Variants in CDHR3 observed in about 807,000 individuals in gnomAD.
CDHR3 encodes the protein cadherin-related family member 3.
In CDHR3, 79 loss-of-function variants were observed where a neutral mutation model predicts 86.6. The ratio of observed to expected loss-of-function variants is 0.91; its 90% CI spans 0.76 to 1.10. The LOEUF (loss-of-function observed/expected upper bound fraction) is 1.10, where lower values mean the gene tolerates loss of function less well. CDHR3 is among the 50% of genes least tolerant of loss of function. The pLI, the probability that CDHR3 is intolerant of heterozygous loss-of-function variation, is 0.00. For missense variants in CDHR3, 1,081 were observed against 1,077.6 expected, an observed-to-expected ratio of 1.00 and a Z score of -0.04; for synonymous variants, 421 against 402.4, an observed-to-expected ratio of 1.05 and a Z score of -0.55.
intron 1 of CDHR3, among the ~76,000 whole-genome samples, chr7:105,969,307 G>A (rs1563223878): frequency 1.4e-5 from 2 of 146,828 alleles, no homozygotes; most frequent in Non-Finnish European, 3.0e-5. Flanking sequence ...GCTGAGGCAG[G>A]AGAATGGCGT....
intron 1 of CDHR3, among the ~76,000 whole-genome samples, chr7:105,969,595 G>GA (rs920976923): frequency 2.0e-5 from 3 of 152,074 alleles, no homozygotes. Context: ...CAGCAAAATA[G>GA]AAAAAAATCC....
At chr7:105,975,911 CATT>C (rs1373702318) in intron 2 of CDHR3, among the ~76,000 whole-genome samples, 2 of 152,166 alleles carry the variant, frequency 1.3e-5, no homozygotes, top group Non-Finnish European at 2.9e-5. Context: ...CTCAGCTTAT[CATT>C]AGTCACTAGG....
intron 1 of CDHR3, among the ~76,000 whole-genome samples, chr7:105,972,604 C>G (rs1828156101): frequency 6.6e-6 from 1 of 152,102 alleles, no homozygotes; most frequent in East Asian, 1.9e-4. Flanking sequence ...AATACCCAAC[C>G]CATCAAAGCA....
chr7:106,002,503 C>T (rs1345164404), intron 7 of CDHR3, among the ~76,000 whole-genome samples: 1 of 152,094 alleles, frequency 6.6e-6, no homozygotes. Flanking sequence ...GGTAGGTTAC[C>T]TCTGGAATGA....
At chr7:105,976,294 A>T (rs1022850208) in intron 2 of CDHR3, among the ~76,000 whole-genome samples, 1 of 152,110 alleles carries the variant, frequency 6.6e-6, no homozygotes, top group African/African-American at 2.4e-5. Context: ...AAACATAAGG[A>T]TTGTATCCAT....
At chr7:106,012,819 C>A in intron 8 of CDHR3, 41 bp from the exon 9 acceptor site, 1 of 1,553,442 alleles carries the variant, frequency 6.4e-7, no homozygotes. Flanking sequence ...CAGTCGATTA[C>A]CATTTATTGG....
chr7:105,978,054 C>G (rs1392958741), intron 2 of CDHR3, among the ~76,000 whole-genome samples: 1 of 152,130 alleles, frequency 6.6e-6, no homozygotes, highest in Admixed American at 6.5e-5. Context: ...GGTGGGAAAA[C>G]TGAGGCATAG....
chr7:106,002,619 G>A (rs900858093), intron 7 of CDHR3, among the ~76,000 whole-genome samples: 1 of 152,142 alleles, frequency 6.6e-6, no homozygotes. Flanking sequence ...AGGCAGGTGT[G>A]TAAGGATGGA....
chr7:106,012,007 G>A (rs1313448880), intron 8 of CDHR3, among the ~76,000 whole-genome samples: 2 of 152,214 alleles, frequency 1.3e-5, no homozygotes, highest in Admixed American at 6.5e-5. Flanking sequence ...GAAATGAGGG[G>A]TACAGGGATT....
chr7:106,016,617 A>G (rs1307855640), intron 11 of CDHR3, among the ~76,000 whole-genome samples: 1 of 152,154 alleles, frequency 6.6e-6, no homozygotes, highest in Non-Finnish European at 1.5e-5. Context: ...GCTCTAGTGT[A>G]ATAGACTCCC....
Position 106,033,000 on chromosome 7 carries a change from C to T in CDHR3, c.*303C>T. On this transcript the variant is annotated 3_prime_UTR_variant, in exon 19 of 19. Coordinates refer to ENST00000317716, the MANE Select transcript of CDHR3 (RefSeq NM_152750.5). ...TTGTGTTTCTTCTTTGCATTGACTG[C>T]TAGGAAGCTCTATTCTGTTCACCAT... is the stretch of plus-strand genomic sequence containing the variant. The T allele has an allele frequency of 2.8e-6, 1 of 355,016 alleles. No individual in the cohort carries two copies. The highest frequency in any genetic ancestry group is 5.2e-6 in the Non-Finnish European group (1 of 193,934). The allele number at this position is 355,016 out of a possible 1,614,324, so 22.0% of individuals were successfully genotyped here. A position where few individuals can be genotyped will look rare whatever the true frequency, so the allele number is the denominator to read the frequency against.
At chr7:106,023,347 T>C (rs889979611) in intron 14 of CDHR3, among the ~76,000 whole-genome samples, 1 of 152,230 alleles carries the variant, frequency 6.6e-6, no homozygotes, top group African/African-American at 2.4e-5. Flanking sequence ...GGAGATAGAT[T>C]ACAAACAAGT....
intron 18 of CDHR3, among the ~76,000 whole-genome samples, chr7:106,032,036 T>C (rs1463934547): frequency 6.6e-6 from 1 of 152,234 alleles, no homozygotes; most frequent in Admixed American, 6.5e-5. Context: ...AATCAGAAAG[T>C]AACGGGTAAT....
intron 6 of CDHR3, among the ~76,000 whole-genome samples, chr7:105,998,601 G>A (rs1832636722): frequency 6.6e-6 from 1 of 152,164 alleles, no homozygotes; most frequent in Non-Finnish European, 1.5e-5. Flanking sequence ...AGACCAGCCT[G>A]ACCAACATGG....
chr7:105,982,474 A>G (rs1429636470), intron 3 of CDHR3, among the ~76,000 whole-genome samples: 1 of 148,898 alleles, frequency 6.7e-6, no homozygotes, highest in Admixed American at 6.7e-5. Flanking sequence ...GTCTCAAAAA[A>G]AAAAAAGAAA....
chr7:106,032,122 T>C (rs1838464552), intron 18 of CDHR3, among the ~76,000 whole-genome samples: 1 of 152,210 alleles, frequency 6.6e-6, no homozygotes. Context: ...CATCCTGCAA[T>C]TGAGATGTCC....
At chr7:105,967,908 C>G (rs1201427016) in intron 1 of CDHR3, among the ~76,000 whole-genome samples, 1 of 152,152 alleles carries the variant, frequency 6.6e-6, no homozygotes. Context: ...TGTAGGTTGC[C>G]TGTTGACTCT....
intron 1 of CDHR3, among the ~76,000 whole-genome samples, chr7:105,969,348 C>G (rs1456212533): frequency 4.0e-5 from 5 of 125,304 alleles, no homozygotes; most frequent in Admixed American, 4.0e-4. Flanking sequence ...TGCAGTGAGC[C>G]GAGATTGCGC....
At chr7:105,970,898 T>C (rs201755583) in intron 1 of CDHR3, among the ~76,000 whole-genome samples, 1 of 151,976 alleles carries the variant, frequency 6.6e-6, no homozygotes, top group East Asian at 1.9e-4. Context: ...CCCCAGCACT[T>C]TGGGAGGCCG....
Sources: allele counts gnomAD v4.1 joint callset (sites outside exome capture counted in the v4.1 genomes callset), GRCh38; gene constraint gnomAD v4.1.1; transcripts MANE v1.5; gene names NCBI Gene and HGNC (gene_info 2026-07-23, HGNC 2026-07-21).